Variants in GASK1A observed in about 807,000 individuals in gnomAD.
The protein encoded by GASK1A is Golgi-associated kinase 1A.
A neutral mutation model predicts 41.2 loss-of-function variants in GASK1A; 40 were observed. The observed-to-expected ratio is 0.97, with a 90% CI of 0.75 to 1.27. The LOEUF is 1.27. Among genes scored for constraint, GASK1A ranks in the 50% most tolerant of loss-of-function variants. The pLI, the probability that GASK1A is intolerant of heterozygous loss-of-function variation, is 0.00. For missense variants in GASK1A, 678 were observed against 745.1 expected (o/e 0.91, Z 1.05); for synonymous variants, 316 against 307.1 (o/e 1.03, Z -0.30).
At chr3:43,013,113 TGTGTGAAGCCACTGAAAGGGGCA>T (rs2089472145) in intron 1 of GASK1A, among the ~76,000 whole-genome samples, 1 of 123,862 alleles carries the variant, frequency 8.1e-6, no homozygotes, top group Non-Finnish European at 1.7e-5. Flanking sequence ...CAAGAAGGAG[TGTGTGAAGCCACTGAAAGGGGCA>T]GTGTGAAGTC....
intron 2 of GASK1A, among the ~76,000 whole-genome samples, chr3:43,041,811 T>C (rs1246666789): frequency 6.6e-6 from 1 of 152,266 alleles, no homozygotes; most frequent in Non-Finnish European, 1.5e-5. Flanking sequence ...ATGATAGACA[T>C]GACATGTTTC....
At chr3:43,047,287 G>A (rs2089668996) in intron 2 of GASK1A, among the ~76,000 whole-genome samples, 1 of 152,228 alleles carries the variant, frequency 6.6e-6, no homozygotes, top group Admixed American at 6.5e-5. Context: ...GACTGTGGGA[G>A]CCCATCTCTT....
At chr3:42,983,605 G>C (rs1373116798) in intron 1 of GASK1A, among the ~76,000 whole-genome samples, 1 of 152,176 alleles carries the variant, frequency 6.6e-6, no homozygotes. Flanking sequence ...ATCTACTGCT[G>C]GGGTCCCCTC....
At chr3:42,983,881 T>C (rs79135917) in intron 1 of GASK1A, among the ~76,000 whole-genome samples, 2,009 of 152,204 alleles carry the variant, frequency 0.013, 38 homozygotes, top group African/African-American at 0.046. Context: ...AAAACAGGGA[T>C]GTCGGGGGTG....
rs2089272095 is a variant in GASK1A, at chr3:42,979,750, C to T, written c.3+105C>T. 44 of 1,134,458 alleles carry T rather than the reference C, an allele frequency of 3.9e-5. 1 individual carries two copies. The South Asian group carries it at 4.0e-4, about 10-fold the overall frequency. The allele number at this position is 1,134,458 out of a possible 1,614,324, so 70.3% of individuals were successfully genotyped here. ...CCCAGGGCGCGCGCAGCCTGCGCGG[C>T]CTCCCGAGGCCGGAGTTGTTCCCCG... On this transcript the variant is annotated intron_variant, in intron 1 of 4. Coordinates refer to ENST00000430121, the MANE Select transcript of GASK1A (RefSeq NM_001129908.3).
Position 42,979,469 on chromosome 3 carries a change from A to G in GASK1A, c.-174A>G, listed in dbSNP as rs1320277426. On this transcript the variant is annotated 5_prime_UTR_variant, in exon 1 of 5. Transcript: ENST00000430121. ...ATCTCCCGAGAGTTGGCGCAGGGCC[A>G]CTTGGCTGCAGAGAACGTGTGCACC... The G allele has an allele frequency of 1.5e-5, 9 of 583,238 alleles. No individual in the cohort carries two copies. Among genetic ancestry groups the G allele is most frequent in the Non-Finnish European group, 2.3e-5 (9 of 395,902 alleles). The allele number at this position is 583,238 out of a possible 1,614,324, so 36.1% of individuals were successfully genotyped here.
Position 43,021,927 on chromosome 3 carries a change from G to A in GASK1A, c.4-10340G>A, listed in dbSNP as rs1239006680. Among the ~76,000 whole-genome samples, 13 of 152,320 alleles carry A rather than the reference G, an allele frequency of 8.5e-5. No homozygotes were observed. In the South Asian group the frequency reaches 2.5e-3, roughly 29 times the overall value. ...ATTGGTGAAGGGTTGAGAGGTAGGG[G>A]CTTGACAAGGAAGGAGAAAGAGAGT... On this transcript the variant is annotated intron_variant, in intron 1 of 4. Transcript: ENST00000430121.
chr3:43,056,134 G>C, intron 4 of GASK1A, 42 bp from the exon 5 acceptor site: 1 of 1,451,682 alleles, frequency 6.9e-7, no homozygotes, highest in Admixed American at 2.1e-5. Context: ...GATTACTGTT[G>C]CTTTTTCTTT....
At chr3:42,999,215 G>T (rs748787339) in intron 1 of GASK1A, among the ~76,000 whole-genome samples, 8 of 152,116 alleles carry the variant, frequency 5.3e-5, no homozygotes, top group Non-Finnish European at 1.0e-4. Context: ...GGTTGAGGTT[G>T]GTGGGAATGA....
At chr3:43,035,161 G>T (rs1165263542) in intron 2 of GASK1A, among the ~76,000 whole-genome samples, 1 of 152,152 alleles carries the variant, frequency 6.6e-6, no homozygotes, top group African/African-American at 2.4e-5. Flanking sequence ...GCCTCTCTCA[G>T]CTCTACTTTT....
At chr3:43,030,384 G>C (rs996393350) in intron 1 of GASK1A, among the ~76,000 whole-genome samples, 4 of 152,202 alleles carry the variant, frequency 2.6e-5, no homozygotes, top group Non-Finnish European at 4.4e-5. Context: ...GCATGTAGCA[G>C]GAGTACCCAC....
At chr3:43,047,442 T>C (rs2089669608) in intron 2 of GASK1A, among the ~76,000 whole-genome samples, 4 of 152,228 alleles carry the variant, frequency 2.6e-5, no homozygotes, top group Admixed American at 2.6e-4. Flanking sequence ...AGCCATTCTC[T>C]CTGTAGTCGT....
intron 1 of GASK1A, among the ~76,000 whole-genome samples, chr3:43,007,006 T>C (rs1429165590): frequency 6.6e-6 from 1 of 151,998 alleles, no homozygotes; most frequent in Non-Finnish European, 1.5e-5. Context: ...CTGATAGTCA[T>C]AGGAGAGCAG....
At chr3:42,996,120 CAG>C (rs140861207) in intron 1 of GASK1A, among the ~76,000 whole-genome samples, 78,459 of 151,828 alleles carry the variant, frequency 0.52, 21,032 homozygotes, top group East Asian at 0.76. Flanking sequence ...AACCAGCAAA[CAG>C]GGGGACATAA....
At chr3:43,055,635 G>C in intron 4 of GASK1A, 100 bp downstream of exon 4, 1 of 816,506 alleles carries the variant, frequency 1.2e-6, no homozygotes, top group Non-Finnish European at 2.0e-6. Context: ...GAAGCCCACA[G>C]TCCATCAGAC....
At chr3:43,033,650 T>TC (rs2089591493) in intron 2 of GASK1A, 97 bp downstream of exon 2, 2 of 1,161,278 alleles carry the variant, frequency 1.7e-6, no homozygotes, top group South Asian at 3.9e-5. Flanking sequence ...ATGGTGACTC[T>TC]CCCCCAAGTC....
rs919494353 is a variant in GASK1A, at chr3:42,984,687, T to C, written c.3+5042T>C. Among the ~76,000 whole-genome samples the C allele has an allele frequency of 6.6e-6, 1 of 152,202 alleles. No individual in the cohort carries two copies. The highest frequency in any genetic ancestry group is 2.4e-5 in the African/African-American group (1 of 41,452). On this transcript the variant is annotated intron_variant, in intron 1 of 4. Transcript: ENST00000430121. This position sits in a 1 kb window ranked among gnomAD's most constrained non-coding sequence, Gnocchi z 4.2. ...TCTAGTATAAAGAAAGTGACTTTAT[T>C]CTAAAGCTTAGCTTAGGGGAAGAGG...
At chr3:42,981,284 C>G (rs1369908781) in intron 1 of GASK1A, among the ~76,000 whole-genome samples, 2 of 152,140 alleles carry the variant, frequency 1.3e-5, no homozygotes, top group African/African-American at 4.8e-5. Context: ...GAAGGCTGTC[C>G]TTTGCTTCTC....
At chr3:43,016,367 C>T (rs1172495223) in intron 1 of GASK1A, among the ~76,000 whole-genome samples, 1 of 148,720 alleles carries the variant, frequency 6.7e-6, no homozygotes, top group Non-Finnish European at 1.5e-5. Context: ...GCAGTGTGAA[C>T]ATGCCAGAAG....
Sources: gnomAD v4.1 joint callset for allele counts (sites outside exome capture counted in the v4.1 genomes callset) on GRCh38, gnomAD v4.1.1 for gene constraint, Gnocchi (gnomAD v3.1) non-coding constraint, MANE v1.5 for transcripts, NCBI Gene and HGNC (gene_info 2026-07-23, HGNC 2026-07-21) for gene names.